The following RAB3IP variants were observed in gnomAD, a reference collection of about 807,000 sequenced individuals.
RAB3IP encodes the protein rab-3A-interacting protein.
A neutral mutation model predicts 59.1 loss-of-function variants in RAB3IP; 36 were observed. The ratio of observed to expected loss-of-function variants is 0.61; its 90% confidence interval spans 0.47 to 0.80. The LOEUF (loss-of-function observed/expected upper bound fraction) is 0.80. RAB3IP is among the 30% of genes least tolerant of loss of function. RAB3IP has a pLI of 0.00. For synonymous variants in RAB3IP, 207 were observed against 191.2 expected, an observed-to-expected ratio of 1.08 and a Z score of -0.68; for missense variants, 511 against 536.0, an observed-to-expected ratio of 0.95 and a Z score of 0.46.
At chr12:69,782,120 T>A (rs1253389421) in intron 3 of RAB3IP, among the ~76,000 whole-genome samples, 1 of 152,162 alleles carries the variant, frequency 6.6e-6, no homozygotes, top group Non-Finnish European at 1.5e-5. Context: ...GTGTTCTGAG[T>A]TTTGGCCATT....
intron 2 of RAB3IP, 64 bp from the exon 3 acceptor site, chr12:69,756,341 G>T: frequency 6.4e-7 from 1 of 1,551,998 alleles, no homozygotes; most frequent in Non-Finnish European, 8.8e-7. Context: ...AGAGCTGTGT[G>T]TTTAAGCCAG....
intron 8 of RAB3IP, 63 bp from the exon 9 acceptor site, chr12:69,812,715 G>A: frequency 1.8e-6 from 2 of 1,091,156 alleles, no homozygotes; most frequent in South Asian, 1.5e-5. Context: ...TAGGCAACTT[G>A]TACAGAAGGT....
At chr12:69,796,998 T>A (rs1456329696) in intron 6 of RAB3IP, among the ~76,000 whole-genome samples, 2 of 152,222 alleles carry the variant, frequency 1.3e-5, no homozygotes, top group African/African-American at 4.8e-5. Flanking sequence ...TATAGTCTGA[T>A]GTTTCATGAA....
Position 69,822,413 on chromosome 12 carries a change from G to A in RAB3IP, c.*6967G>A, listed in dbSNP as rs1334045181. The A allele has an allele frequency of 1.3e-5, 2 of 151,716 alleles. No individual in the cohort carries two copies. Among genetic ancestry groups the A allele is most frequent in the Non-Finnish European group, 2.9e-5 (2 of 68,010 alleles). The allele number at this position is 151,716 out of a possible 1,614,324, so 9.4% of individuals were successfully genotyped here. ...GGATTGTATCATGCCCCACACCCAA[G>A]CAGATAGAAACTGTCAATAGATACA... On this transcript the variant is annotated 3_prime_UTR_variant, in exon 11 of 11. Coordinates refer to ENST00000247833, the MANE Select transcript of RAB3IP (RefSeq NM_022456.5).
At chr12:69,768,685 A>C (rs931288314) in intron 3 of RAB3IP, among the ~76,000 whole-genome samples, 7 of 152,206 alleles carry the variant, frequency 4.6e-5, no homozygotes, top group African/African-American at 1.4e-4. Context: ...CTTGCTGCCC[A>C]GGAGAAACTG....
At chr12:69,767,732 A>G (rs539503583) in intron 3 of RAB3IP, among the ~76,000 whole-genome samples, 1 of 152,260 alleles carries the variant, frequency 6.6e-6, no homozygotes, top group Non-Finnish European at 1.5e-5. Context: ...CAGGCTGCCA[A>G]ACCAAGCATA....
At chr12:69,792,345 AAAAC>A (rs1436000920) in intron 4 of RAB3IP, among the ~76,000 whole-genome samples, 3 of 152,238 alleles carry the variant, frequency 2.0e-5, no homozygotes, top group South Asian at 4.1e-4. Context: ...TGCTAAAAGA[AAAAC>A]AAAATGATAT....
intron 3 of RAB3IP, among the ~76,000 whole-genome samples, chr12:69,783,412 C>T (rs1476305111): frequency 1.3e-5 from 2 of 152,226 alleles, no homozygotes; most frequent in Admixed American, 1.3e-4. Flanking sequence ...TCCCTTCCCT[C>T]TTTATATCTT....
rs138765486 is a variant in RAB3IP, at chr12:69,780,133, G to A, written c.511-4587G>A. 1.9e-3 allele frequency among the ~76,000 whole-genome samples: 290 copies of A among 152,256 alleles called. 1 individual carries two copies. Among genetic ancestry groups the A allele is most frequent in the Middle Eastern group, 6.8e-3 (2 of 294 alleles). On this transcript the variant is annotated intron_variant, in intron 3 of 10. Transcript: ENST00000247833. ...TACCTAATGATGACTCAAGGTAGGG[G>A]TACCCTGACTGTGAGGAAGTTGGCC...
chr12:69,750,184 A>G (rs1340756138), intron 1 of RAB3IP, among the ~76,000 whole-genome samples: 1 of 152,180 alleles, frequency 6.6e-6, no homozygotes, highest in African/African-American at 2.4e-5. Flanking sequence ...CTTAATATTT[A>G]GTAAGTGCTC....
At chr12:69,748,642 A>G (rs549099052) in intron 1 of RAB3IP, among the ~76,000 whole-genome samples, 10 of 152,362 alleles carry the variant, frequency 6.6e-5, no homozygotes, top group Admixed American at 1.3e-4. Context: ...TGATTCACCC[A>G]TAAGAATTTA....
chr12:69,745,604 T>C (rs1868304993), intron 1 of RAB3IP, among the ~76,000 whole-genome samples: 1 of 152,254 alleles, frequency 6.6e-6, no homozygotes, highest in Non-Finnish European at 1.5e-5. Flanking sequence ...GTTTTGTCTT[T>C]GTGAAAGTAA....
intron 3 of RAB3IP, among the ~76,000 whole-genome samples, chr12:69,780,599 C>T (rs1184197996): frequency 1.3e-5 from 2 of 152,204 alleles, no homozygotes; most frequent in Admixed American, 6.5e-5. Context: ...CAAGGAGGCT[C>T]AGACAGACAA....
chr12:69,793,101 C>G (rs1377327162), intron 4 of RAB3IP, among the ~76,000 whole-genome samples: 6 of 150,596 alleles, frequency 4.0e-5, no homozygotes, highest in Non-Finnish European at 4.4e-5. Flanking sequence ...TTCAGCAAAT[C>G]TGAAACATTT....
intron 3 of RAB3IP, among the ~76,000 whole-genome samples, chr12:69,772,576 A>T (rs1269581323): frequency 6.6e-6 from 1 of 152,004 alleles, no homozygotes; most frequent in Non-Finnish European, 1.5e-5. Context: ...CTATTGTAGG[A>T]TTTTGCTTTG....
At chr12:69,803,262 G>A (rs1031291219) in intron 8 of RAB3IP, among the ~76,000 whole-genome samples, 3 of 151,968 alleles carry the variant, frequency 2.0e-5, no homozygotes, top group African/African-American at 7.2e-5. Context: ...GTGGGAATGG[G>A]GCCAGAAACC....
chr12:69,790,606 A>G (rs954228469), intron 4 of RAB3IP, among the ~76,000 whole-genome samples: 2 of 151,316 alleles, frequency 1.3e-5, no homozygotes, highest in South Asian at 4.2e-4. Context: ...TTTTTCTGAG[A>G]TGGAGTCTTG....
intron 8 of RAB3IP, among the ~76,000 whole-genome samples, chr12:69,811,332 G>T (rs770346328): frequency 6.6e-6 from 1 of 151,924 alleles, no homozygotes; most frequent in African/African-American, 2.4e-5. Flanking sequence ...CAACAAACCC[G>T]CATGACACAT....
chr12:69,802,684 G>T (rs183404863), intron 8 of RAB3IP, among the ~76,000 whole-genome samples: 44 of 152,320 alleles, frequency 2.9e-4, no homozygotes, highest in African/African-American at 7.9e-4. Flanking sequence ...TTATTTTGAA[G>T]CCAGAAGAGG....
Sources: allele counts gnomAD v4.1 joint callset (sites outside exome capture counted in the v4.1 genomes callset), GRCh38; gene constraint gnomAD v4.1.1; transcripts MANE v1.5; gene names NCBI Gene and HGNC (gene_info 2026-07-23, HGNC 2026-07-21).